The following MLST8 variants were observed in gnomAD, a reference collection of about 807,000 sequenced individuals.
MLST8 encodes the protein MTOR associated protein MLST8, also known as target of rapamycin complex subunit LST8.
In MLST8, 20 loss-of-function variants were observed where a neutral mutation model predicts 41.3. That is an observed-to-expected ratio of 0.48 (90% CI 0.34 to 0.70). The LOEUF is 0.70. Among genes scored for constraint, MLST8 ranks in the 30% least tolerant of loss-of-function variants. The probability of loss-of-function intolerance (pLI) is 0.01; values close to 1 mark genes in which losing one functional copy is unlikely to be tolerated. For synonymous variants in MLST8, 243 were observed against 183.0 expected, an observed-to-expected ratio of 1.33 and a Z score of -2.65; for missense variants, 422 against 454.3, an observed-to-expected ratio of 0.93 and a Z score of 0.65.
Position 2,209,109 on chromosome 16 carries a change from A to C in MLST8, c.*232A>C. The C allele has an allele frequency of 1.6e-6, 1 of 638,754 alleles. No homozygotes were observed. The highest frequency in any genetic ancestry group is 2.7e-6 in the Non-Finnish European group (1 of 370,574). The allele number at this position is 638,754 out of a possible 1,614,324, so 39.6% of individuals were successfully genotyped here. On this transcript the variant is annotated 3_prime_UTR_variant, in exon 9 of 9. Transcript: ENST00000569417. The stretch of plus-strand genomic sequence containing the variant: ...AGGCTGCACACTCCTGGACTGGGCT[A>C]GCCTGCACTGCCTGGGAAAGTCGGC...
rs2093354990 is a variant in MLST8 at position 2,209,070 on chromosome 16, G to A, written c.*193G>A. The A allele has an allele frequency of 3.0e-6, 2 of 675,274 alleles. No individual in the cohort carries two copies. The highest frequency in any genetic ancestry group is 1.8e-5 in the South Asian group (1 of 56,992). The allele number at this position is 675,274 out of a possible 1,614,324, so 41.8% of individuals were successfully genotyped here. ...CAGTTGCTTATCCAGATGTGACAGAGCTCGACCCAAGCCAGGCTGCACACT... is the reference window on the plus strand; with the variant it reads ...CAGTTGCTTATCCAGATGTGACAGAACTCGACCCAAGCCAGGCTGCACACT... On this transcript the variant is annotated 3_prime_UTR_variant, in exon 9 of 9. Coordinates refer to ENST00000569417, the MANE Select transcript of MLST8 (RefSeq NM_022372.6).
In MLST8 at chr16:2,206,382, C is replaced by T. The variant is rs2093289938; in HGVS notation, c.154C>T (p.Pro52Ser). 1.2e-6 allele frequency: 2 copies of T among 1,614,156 alleles called. No individual in the cohort carries two copies. The highest frequency in any genetic ancestry group is 1.7e-6 in the Non-Finnish European group (2 of 1,180,024). ...GCAGGTGAATGCCTTGGAGGTCACA[C>T]CGGACCGCAGCATGATTGCTGCTGC... The part of the protein sequence containing the change: ...DSQVNALEVT[P>S]DRSMIAAAGY... The change falls in exon 3 of 9, where the codon CCG becomes TCG. Residue 52 changes from proline (P) to serine (S), a missense_variant. Pro to Ser is a moderately conservative substitution (Grantham distance 74). Transcript: ENST00000569417.
rs747480070 is a variant in MLST8 at position 2,208,471 on chromosome 16, T to G, written c.720T>G (p.Ala240=). Residue 240 remains alanine, a synonymous_variant, in exon 8 of 9, where the codon GCT becomes GCG. Transcript: ENST00000569417. ...PDSTLLATCS[A]DQTCKIWRTS... ...CTAGGCTCCTCGCCACCTGCTCGGC[T>G]GATCAGACGTGCAAGATCTGGAGGA... 9.3e-6 allele frequency: 15 copies of G among 1,612,830 alleles called. No homozygotes were observed. Among genetic ancestry groups the G allele is most frequent in the Non-Finnish European group, 1.2e-5 (14 of 1,179,780 alleles).
In MLST8 at chr16:2,209,323, C is replaced by A. The variant is rs2093358911; in HGVS notation, c.*446C>A. ...TGGTGCAGGTGGCCTGGCCAGCCCA[C>A]TGGATTGGGGACGGGCCAGGCTGGG... On this transcript the variant is annotated 3_prime_UTR_variant, in exon 9 of 9. Transcript: ENST00000569417. 1.3e-6 allele frequency: 2 copies of A among 1,584,336 alleles called. No homozygotes were observed. The highest frequency in any genetic ancestry group is 2.3e-5 in the South Asian group (2 of 88,792).
At chr16:2,206,301 G>A in intron 2 of MLST8, 57 bp from the exon 3 acceptor site, 1 of 1,609,672 alleles carries the variant, frequency 6.2e-7, no homozygotes, top group Non-Finnish European at 8.5e-7. Flanking sequence ...GATGGTGGAG[G>A]CCTGGGGGGC....
Position 2,209,297 on chromosome 16 carries a change from C to A in MLST8, c.*420C>A. 7.0e-7 allele frequency: 1 copy of A among 1,433,454 alleles called. No individual in the cohort carries two copies. Among genetic ancestry groups the A allele is most frequent in the South Asian group, 1.2e-5 (1 of 82,418 alleles). The allele number at this position is 1,433,454 out of a possible 1,614,324, so 88.8% of individuals were successfully genotyped here. A position where few individuals can be genotyped will look rare whatever the true frequency, so the allele number is the denominator to read the frequency against. On this transcript the variant is annotated 3_prime_UTR_variant, in exon 9 of 9. Transcript: ENST00000569417. ...TAGTCCCTGCCAGCAGCTGTCCTCC[C>A]TGGTGCAGGTGGCCTGGCCAGCCCA...
In MLST8 at chr16:2,208,547, G is replaced by A. The variant is rs775926957; in HGVS notation, c.796G>A (p.Gly266Arg). The A allele has an allele frequency of 1.2e-6, 2 of 1,612,660 alleles. No homozygotes were observed. The highest frequency in any genetic ancestry group is 1.7e-5 in the Admixed American group (1 of 59,844). The change falls in exon 8 of 9, where the codon GGG becomes AGG. Residue 266 changes from glycine to arginine, a missense_variant. Physicochemically the swap from Gly to Arg is moderately radical, Grantham distance 125 (BLOSUM62 -2). Coordinates refer to ENST00000569417, the MANE Select transcript of MLST8 (RefSeq NM_022372.6). ...GCTGAGCATCAAGAGCGGCAACCCC[G>A]GGGAGTCCTCCCGCGGCTGGATGTG... ...TELSIKSGNP[G>R]ESSRGWMWGC...
At chr16:2,207,584 C>T (rs889941252) in intron 6 of MLST8, 3 of 557,908 alleles carry the variant, frequency 5.4e-6, no homozygotes, top group African/African-American at 1.9e-5. Flanking sequence ...CCACTTCCCT[C>T]TTTTCACTCT....
intron 1 of MLST8, 160 bp downstream of exon 1, chr16:2,205,672 C>T (rs2093266818): frequency 6.1e-6 from 6 of 989,646 alleles, no homozygotes; most frequent in Non-Finnish European, 7.2e-6. Flanking sequence ...CAGGGCCTGC[C>T]GCTGGCCTGC....
Position 2,209,275 on chromosome 16 carries a change from T to G in MLST8, c.*398T>G. The G allele has an allele frequency of 8.0e-7, 1 of 1,248,128 alleles. No individual in the cohort carries two copies. Among genetic ancestry groups the G allele is most frequent in the Non-Finnish European group, 1.1e-6 (1 of 873,270 alleles). The allele number at this position is 1,248,128 out of a possible 1,614,324, so 77.3% of individuals were successfully genotyped here. Reference sequence around the variant, plus strand: ...ATGGCCAGGTGGAAGGGTTTATTAGTCCCTGCCAGCAGCTGTCCTCCCTGG... The same window carrying G: ...ATGGCCAGGTGGAAGGGTTTATTAGGCCCTGCCAGCAGCTGTCCTCCCTGG... On this transcript the variant is annotated 3_prime_UTR_variant, in exon 9 of 9. Coordinates refer to ENST00000569417, the MANE Select transcript of MLST8 (RefSeq NM_022372.6).
Position 2,209,381 on chromosome 16 carries a change from AAGC to A in MLST8, c.*507_*509del. ...GGGGGCTCAGTCTGGGAGGTAATAA[AAGC>A]AGACCGACACGCAGATGTTGCTCGG... On this transcript the variant is annotated 3_prime_UTR_variant, in exon 9 of 9. Transcript: ENST00000569417. 1 of 1,613,484 alleles carries A rather than the reference AAGC, an allele frequency of 6.2e-7. No individual in the cohort carries two copies. The highest frequency in any genetic ancestry group is 8.5e-7 in the Non-Finnish European group (1 of 1,179,722).
At chr16:2,207,506 C>G in intron 6 of MLST8, 161 bp downstream of exon 6, 1 of 848,138 alleles carries the variant, frequency 1.2e-6, no homozygotes, top group Non-Finnish European at 1.8e-6. Context: ...GCCTTAGTGT[C>G]GCTCCCGATG....
rs755425949 is a variant in MLST8, at chr16:2,208,479, C to G, written c.728C>G (p.Thr243Arg). 3.1e-6 allele frequency: 5 copies of G among 1,613,136 alleles called. No individual in the cohort carries two copies. Among genetic ancestry groups the G allele is most frequent in the South Asian group, 2.2e-5 (2 of 91,090 alleles). Residue 243 changes from threonine to arginine, a missense_variant, in exon 8 of 9, where the codon ACG becomes AGG. Physicochemically the swap from Thr to Arg is moderately conservative, Grantham distance 71 (BLOSUM62 -1). Transcript: ENST00000569417. ...CTCGCCACCTGCTCGGCTGATCAGA[C>G]GTGCAAGATCTGGAGGACGTCCAAC... ...TLLATCSADQ[T>R]CKIWRTSNFS...
At chr16:2,205,741 C>G in intron 1 of MLST8, 1 of 1,015,192 alleles carries the variant, frequency 9.9e-7, no homozygotes, top group Non-Finnish European at 1.2e-6. Context: ...CTTGCGCACG[C>G]GCAGCCCGCC....
chr16:2,208,966 G>T lies in MLST8; in HGVS notation c.*89G>T. On this transcript the variant is annotated 3_prime_UTR_variant, in exon 9 of 9. Coordinates refer to ENST00000569417, the MANE Select transcript of MLST8 (RefSeq NM_022372.6). ...AGGTCAGAGCAGACCCTCCCCTGCC[G>T]GCCTGCGCCAGCTGGACCTGATGGC... The T allele has an allele frequency of 7.0e-7, 1 of 1,436,414 alleles. No individual in the cohort carries two copies. Among genetic ancestry groups the T allele is most frequent in the Non-Finnish European group, 9.6e-7 (1 of 1,036,562 alleles). The allele number at this position is 1,436,414 out of a possible 1,614,324, so 89.0% of individuals were successfully genotyped here. A position where few individuals can be genotyped will look rare whatever the true frequency, so the allele number is the denominator to read the frequency against.
intron 1 of MLST8, 146 bp from the exon 2 acceptor site, chr16:2,205,885 G>C: frequency 1.4e-6 from 2 of 1,389,158 alleles, no homozygotes; most frequent in Non-Finnish European, 1.9e-6. Context: ...GGTATCACGC[G>C]TGTGACGCGT....
intron 8 of MLST8, 42 bp from the exon 9 acceptor site, chr16:2,208,717 C>T: frequency 6.2e-7 from 1 of 1,613,552 alleles, no homozygotes; most frequent in Non-Finnish European, 8.5e-7. Flanking sequence ...GCCTGCTTGG[C>T]CTGCACCTGC....
At position 2,206,230 on chromosome 16, in the gene MLST8, G is replaced by C. The variant is rs765199015; in HGVS notation, c.129+16G>C. On this transcript the variant is annotated intron_variant, in intron 2 of 8. Transcript: ENST00000569417. Reference sequence around the variant, plus strand: ...CCAGGACTCCGTATCCTCCACCCGGGGCGGGCAGGGCGGCGCTGGGGGGAT... The same window carrying C: ...CCAGGACTCCGTATCCTCCACCCGGCGCGGGCAGGGCGGCGCTGGGGGGAT... 7 of 1,603,058 alleles carry C rather than the reference G, an allele frequency of 4.4e-6. No homozygotes were observed. The South Asian group carries it at 7.7e-5, about 18-fold the overall frequency.
chr16:2,208,060 C>G, intron 6 of MLST8, 150 bp from the exon 7 acceptor site: 1 of 857,028 alleles, frequency 1.2e-6, no homozygotes, highest in Non-Finnish European at 1.7e-6. Context: ...TTCCCAGGTG[C>G]CTTCTGCAGG....
Sources: allele counts gnomAD v4.1 joint callset, GRCh38; gene constraint gnomAD v4.1.1; transcripts MANE v1.5; gene names NCBI Gene and HGNC (gene_info 2026-07-23, HGNC 2026-07-21).